CTR9: variants seen among roughly 807,000 people sequenced by gnomAD.
The protein encoded by CTR9 is RNA polymerase-associated protein CTR9 homolog.
A neutral mutation model predicts 152.1 loss-of-function variants in CTR9; 41 were observed. The observed-to-expected ratio is 0.27, with a 90% CI of 0.21 to 0.35. The LOEUF (loss-of-function observed/expected upper bound fraction) is 0.35, where lower values mean the gene tolerates loss of function less well. Among genes scored for constraint, CTR9 ranks in the 10% least tolerant of loss-of-function variants. The probability of loss-of-function intolerance (pLI) is 1.00; values close to 1 mark genes in which losing one functional copy is unlikely to be tolerated. For missense variants in CTR9, 917 were observed against 1,424.4 expected (o/e 0.64, Z 5.73); for synonymous variants, 476 against 496.2 (o/e 0.96, Z 0.54).
Position 10,779,182 on chromosome 11 carries a change from A to C in CTR9, c.*77A>C, listed in dbSNP as rs1005188811. 8.4e-6 allele frequency: 12 copies of C among 1,423,690 alleles called. No homozygotes were observed. The highest frequency in any genetic ancestry group is 1.0e-5 in the Non-Finnish European group (11 of 1,065,972). The allele number at this position is 1,423,690 out of a possible 1,614,324, so 88.2% of individuals were successfully genotyped here. A position where few individuals can be genotyped will look rare whatever the true frequency, so the allele number is the denominator to read the frequency against. On this transcript the variant is annotated 3_prime_UTR_variant, in exon 25 of 25. Transcript: ENST00000361367. ...GAAAGCTGTGATAAAAATGTTTCAG[A>C]TGTTTAGTCAATTGTGAAATTTTTC...
At position 10,778,813 on chromosome 11, in the gene CTR9, G is replaced by A. The variant is rs758492695; in HGVS notation, c.3230G>A (p.Arg1077Gln). Residue 1077 changes from arginine to glutamine, a missense_variant, in exon 25 of 25, where the codon CGA becomes CAA. Around this residue, in one of 9 missense-constraint regions of CTR9, gnomAD observed 384 missense variants for 398.4 expected, o/e 0.96. Coordinates refer to ENST00000361367, the MANE Select transcript of CTR9 (RefSeq NM_014633.5). Reference sequence around the variant, plus strand: ...GAGGCCGGCAGTCCCCGGAGGCCACGAAGACAGCGGTCAGATCAGGACTCA... The same window carrying A: ...GAGGCCGGCAGTCCCCGGAGGCCACAAAGACAGCGGTCAGATCAGGACTCA... ...GSEAGSPRRPRRQRSDQDSDS... is the reference protein window; with the variant it reads ...GSEAGSPRRPQRQRSDQDSDS... 53 of 1,614,230 alleles carry A rather than the reference G, an allele frequency of 3.3e-5. No homozygotes were observed. Among genetic ancestry groups the A allele is most frequent in the South Asian group, 2.2e-4 (20 of 91,082 alleles).
Position 10,762,058 on chromosome 11 carries a change from G to T in CTR9, c.849+4G>T. ...AAATCACTTTTTCTTCAAAAAGGTAGAAGTCATTTATTTTTAAATTCTGAT... is the reference window on the plus strand; with the variant it reads ...AAATCACTTTTTCTTCAAAAAGGTATAAGTCATTTATTTTTAAATTCTGAT... On this transcript the variant is annotated splice_donor_region_variant and intron_variant, in intron 7 of 24. Coordinates refer to ENST00000361367, the MANE Select transcript of CTR9 (RefSeq NM_014633.5). 1 of 1,529,744 alleles carries T rather than the reference G, an allele frequency of 6.5e-7. No homozygotes were observed. The highest frequency in any genetic ancestry group is 8.9e-7 in the Non-Finnish European group (1 of 1,120,660). 94.8% of individuals were successfully genotyped at this position (1,529,744 alleles called of 1,614,324 possible).
chr11:10,760,263 A>G lies in CTR9; in HGVS notation c.683A>G (p.Asn228Ser), dbSNP rs1272346778. The change falls in exon 6 of 25, where the codon AAT becomes AGT. Residue 228 changes from asparagine to serine, a missense_variant. Around this residue, in one of 9 missense-constraint regions of CTR9, gnomAD observed 110 missense variants for 149.5 expected, o/e 0.74. Transcript: ENST00000361367. ...GCATTCAGCAGAGCCCTGGAACTCAATTCCAAATGCGTGGGAGCATTGGTT... is the reference window on the plus strand; with the variant it reads ...GCATTCAGCAGAGCCCTGGAACTCAGTTCCAAATGCGTGGGAGCATTGGTT... ...RLAFSRALEL[N>S]SKCVGALVGL... 2 of 1,614,100 alleles carry G rather than the reference A, an allele frequency of 1.2e-6. No individual in the cohort carries two copies. Among genetic ancestry groups the G allele is most frequent in the East Asian group, 2.2e-5 (1 of 44,878 alleles).
At chr11:10,774,544 C>T (rs1202575804) in intron 22 of CTR9, among the ~76,000 whole-genome samples, 1 of 152,232 alleles carries the variant, frequency 6.6e-6, no homozygotes, top group African/African-American at 2.4e-5. Flanking sequence ...TTGGTAACAG[C>T]AATGCCTACC....
At chr11:10,775,412 C>G (rs1564972988) in intron 23 of CTR9, 109 bp downstream of exon 23, 10 of 1,377,314 alleles carry the variant, frequency 7.3e-6, no homozygotes, top group African/African-American at 2.9e-5. Context: ...TGCTTGTTTT[C>G]AAAGTTCATC....
rs1326559582 is a variant in CTR9, at chr11:10,754,958, C to G, written c.145C>G (p.Leu49Val). The change falls in exon 3 of 25, where the codon CTG becomes GTG. Residue 49 changes from leucine (L) to valine (V), a missense_variant and splice_region_variant. Transcript: ENST00000361367. ...TCTAATTTGTTTCATTACCTTATAGCTGGAATACTACAAGCAAGGAAAAAC... is the reference window on the plus strand; with the variant it reads ...TCTAATTTGTTTCATTACCTTATAGGTGGAATACTACAAGCAAGGAAAAAC... ...TQLHIWIALA[L>V]EYYKQGKTEE... 3 of 1,612,728 alleles carry G rather than the reference C, an allele frequency of 1.9e-6. No homozygotes were observed. Among genetic ancestry groups the G allele is most frequent in the Non-Finnish European group, 2.5e-6 (3 of 1,179,546 alleles).
At chr11:10,755,609 G>T in intron 3 of CTR9, 69 bp from the exon 4 acceptor site, 3 of 949,182 alleles carry the variant, frequency 3.2e-6, no homozygotes, top group South Asian at 3.0e-5. Flanking sequence ...TTCCTATTTG[G>T]TTTTCACTTT....
intron 7 of CTR9, among the ~76,000 whole-genome samples, chr11:10,762,744 C>T (rs1221867092): frequency 6.6e-6 from 1 of 152,092 alleles, no homozygotes; most frequent in Non-Finnish European, 1.5e-5. Flanking sequence ...TGGCTCATGC[C>T]TGTAATCCCA....
rs371116480 is a variant in CTR9, at chr11:10,755,669, A to T, written c.385-9A>T. ...GGGGTAAAATCTAAGATAATACATT[A>T]CTTCATAGAACCATTTGTTGGGAAG... On this transcript the variant is annotated splice_polypyrimidine_tract_variant and intron_variant, in intron 3 of 24. Transcript: ENST00000361367. The T allele has an allele frequency of 6.4e-7, 1 of 1,560,934 alleles. No homozygotes were observed. Among genetic ancestry groups the T allele is most frequent in the East Asian group, 2.2e-5 (1 of 44,566 alleles).
In CTR9 at chr11:10,773,123, A is replaced by G. The variant is rs372776483; in HGVS notation, c.2581-4A>G. The G allele has an allele frequency of 2.5e-6, 4 of 1,589,716 alleles. No homozygotes were observed. Among genetic ancestry groups the G allele is most frequent in the Non-Finnish European group, 3.4e-6 (4 of 1,174,404 alleles). On this transcript the variant is annotated splice_polypyrimidine_tract_variant and splice_region_variant and intron_variant, in intron 20 of 24. Coordinates refer to ENST00000361367, the MANE Select transcript of CTR9 (RefSeq NM_014633.5). ...GGTTTCTTTTCTACCATTTTTCCTC[A>G]TAGGAAGAGAAACGTCTCAGAGAAA...
chr11:10,751,467 G>A lies in CTR9; in HGVS notation c.45+10G>A. On this transcript the variant is annotated intron_variant, in intron 1 of 24. Coordinates refer to ENST00000361367, the MANE Select transcript of CTR9 (RefSeq NM_014633.5). ...CCGGGACACTGACGAGGTAAGTGTC[G>A]TGTATGGAGGCGGGTGGGGGCCATG... 1 of 1,613,362 alleles carries A rather than the reference G, an allele frequency of 6.2e-7. No homozygotes were observed. Among genetic ancestry groups the A allele is most frequent in the Non-Finnish European group, 8.5e-7 (1 of 1,179,646 alleles).
In CTR9 at chr11:10,763,921, G is replaced by A. The variant is rs1228850459; in HGVS notation, c.1194+42G>A. 3 of 1,465,966 alleles carry A rather than the reference G, an allele frequency of 2.0e-6. 1 individual carries two copies. Among genetic ancestry groups the A allele is most frequent in the South Asian group, 2.5e-5 (2 of 79,592 alleles). 90.8% of individuals were successfully genotyped at this position (1,465,966 alleles called of 1,614,324 possible). ...AAGTCTTAGCTGTTTTCTGTTAGCT[G>A]TCCCAAAACTCCCATTTCTCATTTC... On this transcript the variant is annotated intron_variant, in intron 9 of 24. Transcript: ENST00000361367.
chr11:10,778,738 G>A lies in CTR9; in HGVS notation c.3155G>A (p.Cys1052Tyr), dbSNP rs539609017. 3.7e-6 allele frequency: 6 copies of A among 1,614,162 alleles called. No homozygotes were observed. In the African/African-American group the frequency reaches 5.3e-5, roughly 14 times the overall value. The change falls in exon 25 of 25, where the codon TGT becomes TAT. Residue 1052 changes from cysteine (C) to tyrosine (Y), a missense_variant. Cys to Tyr is a radical substitution (Grantham distance 194). This residue lies in a region of CTR9 where 384 missense variants were observed against 398.4 expected (regional missense o/e 0.96). Coordinates refer to ENST00000361367, the MANE Select transcript of CTR9 (RefSeq NM_014633.5). Reference protein sequence around the residue: ...DSDEDEQRKKCASSESDSDEN... With the variant: ...DSDEDEQRKKYASSESDSDEN... ...GACGAGGACGAACAACGAAAGAAAT[G>A]TGCCTCATCAGAGAGTGATTCCGAT...
rs11386264 is a variant in CTR9 at position 10,773,884 on chromosome 11, CA to C, written c.2728-109del. The C allele has an allele frequency of 0.1, 41,694 of 398,486 alleles. 18 individuals carry two copies. Among genetic ancestry groups the C allele is most frequent in the Middle Eastern group, 0.16 (318 of 2,044 alleles). The allele number at this position is 398,486 out of a possible 1,614,324, so 24.7% of individuals were successfully genotyped here. A position where few individuals can be genotyped will look rare whatever the true frequency, so the allele number is the denominator to read the frequency against. ...TGGGCAAAAGAGTGAGACTTCATCTCAAAAAAAAAAAAAAAAAAATCCTTCA... is the reference window on the plus strand; with the variant it reads ...TGGGCAAAAGAGTGAGACTTCATCTCAAAAAAAAAAAAAAAAAATCCTTCA... On this transcript the variant is annotated intron_variant, in intron 21 of 24. Transcript: ENST00000361367.
intron 19 of CTR9, 99 bp downstream of exon 19, chr11:10,771,715 C>G: frequency 2.5e-6 from 2 of 804,848 alleles, no homozygotes; most frequent in Non-Finnish European, 4.3e-6. Flanking sequence ...CCTGACCTTC[C>G]ACAGGTCAGT....
chr11:10,777,603 A>G (rs1029294179), intron 24 of CTR9, among the ~76,000 whole-genome samples: 2 of 152,278 alleles, frequency 1.3e-5, no homozygotes, highest in Admixed American at 6.5e-5. Flanking sequence ...AGAAAGGTCC[A>G]TTGTGAGAGG....
chr11:10,757,581 G>T (rs1862905839), intron 5 of CTR9, among the ~76,000 whole-genome samples: 1 of 151,060 alleles, frequency 6.6e-6, no homozygotes, highest in Admixed American at 6.6e-5. Flanking sequence ...CCTGTCTCAA[G>T]AAAAAAAAAG....
intron 10 of CTR9, 29 bp downstream of exon 10, chr11:10,764,230 A>C: frequency 1.2e-6 from 2 of 1,613,222 alleles, no homozygotes; most frequent in Non-Finnish European, 1.7e-6. Flanking sequence ...TTAATCTCTC[A>C]TATGATGTGT....
At position 10,773,171 on chromosome 11, in the gene CTR9, G is replaced by A. The variant is rs764642470; in HGVS notation, c.2625G>A (p.Leu875=). ...LREKEEQKKL[L]EQRAQYVEKT... ...AAAAGGAAGAGCAAAAGAAACTTTT[G>A]GAACAGCGGGCCCAGTATGTGGAGA... Residue 875 remains leucine (L), a synonymous_variant, in exon 21 of 25, where the codon TTG becomes TTA. Coordinates refer to ENST00000361367, the MANE Select transcript of CTR9 (RefSeq NM_014633.5). The A allele has an allele frequency of 2.4e-5, 39 of 1,610,914 alleles. No individual in the cohort carries two copies. The highest frequency in any genetic ancestry group is 3.3e-5 in the Non-Finnish European group (39 of 1,179,396).
Sources: allele counts gnomAD v4.1 joint callset (sites outside exome capture counted in the v4.1 genomes callset), GRCh38; gene constraint gnomAD v4.1.1; regional missense constraint gnomAD v4.1.1; transcripts MANE v1.5; gene names NCBI Gene and HGNC (gene_info 2026-07-23, HGNC 2026-07-21).